The following SCCPDH variants were observed in gnomAD, a reference collection of about 807,000 sequenced individuals.
SCCPDH encodes saccharopine dehydrogenase-like oxidoreductase.
SCCPDH carries 34 observed loss-of-function variants against 51.5 expected under a neutral mutation model. The ratio of observed to expected loss-of-function variants is 0.66; its 90% CI spans 0.50 to 0.88. The LOEUF (loss-of-function observed/expected upper bound fraction) is 0.88, where lower values mean the gene tolerates loss of function less well. SCCPDH is among the 40% of genes least tolerant of loss of function. The pLI is 0.00. For synonymous variants in SCCPDH, 187 were observed against 191.3 expected (o/e 0.98, Z 0.19); for missense variants, 464 against 527.1 (o/e 0.88, Z 1.17).
rs1027149460 is a variant in SCCPDH, at chr1:246,767,383, G to T, written c.*83G>T. 3 of 730,510 alleles carry T rather than the reference G, an allele frequency of 4.1e-6. No individual in the cohort carries two copies. Among genetic ancestry groups the T allele is most frequent in the Non-Finnish European group, 4.2e-6 (2 of 478,164 alleles). 45.3% of individuals were successfully genotyped at this position (730,510 alleles called of 1,614,324 possible). ...ATATTTGAAATTCTTCTGTAAGCCT[G>T]TCTGAGTGTATGTGGAAACGATTGT... On this transcript the variant is annotated 3_prime_UTR_variant, in exon 12 of 12. Transcript: ENST00000366510.
intron 2 of SCCPDH, among the ~76,000 whole-genome samples, chr1:246,733,746 T>C (rs1668528525): frequency 6.6e-6 from 1 of 152,096 alleles, no homozygotes; most frequent in African/African-American, 2.4e-5. Context: ...AAAATACAAA[T>C]AATATACTGT....
intron 5 of SCCPDH, among the ~76,000 whole-genome samples, chr1:246,756,164 A>G (rs746063843): frequency 4.6e-5 from 7 of 152,248 alleles, no homozygotes; most frequent in Non-Finnish European, 1.0e-4. Context: ...GGAGTTACTT[A>G]CAACACGTGG....
intron 2 of SCCPDH, among the ~76,000 whole-genome samples, chr1:246,729,552 C>A (rs144585974): frequency 5.8e-4 from 88 of 152,332 alleles, no homozygotes; most frequent in African/African-American, 2.1e-3. Flanking sequence ...TTATGGTTAT[C>A]TCCCTTGTTC....
chr1:246,738,278 C>T (rs967674156), intron 3 of SCCPDH, among the ~76,000 whole-genome samples: 10 of 151,700 alleles, frequency 6.6e-5, no homozygotes, highest in Non-Finnish European at 1.5e-4. Flanking sequence ...TTTGGGAGGC[C>T]GAGGCAGGCG....
chr1:246,763,313 C>A (rs2102991335), intron 9 of SCCPDH, among the ~76,000 whole-genome samples: 1 of 152,208 alleles, frequency 6.6e-6, no homozygotes, highest in Non-Finnish European at 1.5e-5. Context: ...ATGTGTGTAG[C>A]CTGAGAGAGG....
intron 5 of SCCPDH, among the ~76,000 whole-genome samples, chr1:246,744,485 T>C (rs1225742104): frequency 6.6e-6 from 1 of 151,272 alleles, no homozygotes. Flanking sequence ...CGCCCGGCTA[T>C]TTTTTTTGTA....
chr1:246,742,624 T>TATC (rs1668698062), intron 4 of SCCPDH, among the ~76,000 whole-genome samples: 1 of 152,224 alleles, frequency 6.6e-6, no homozygotes, highest in Non-Finnish European at 1.5e-5. Flanking sequence ...TAACGACATT[T>TATC]ATCTGGCTGT....
intron 2 of SCCPDH, among the ~76,000 whole-genome samples, chr1:246,728,542 G>A (rs1222665409): frequency 6.6e-6 from 1 of 152,154 alleles, no homozygotes; most frequent in Non-Finnish European, 1.5e-5. Context: ...AACGTTGTGT[G>A]GTGCTTAGCA....
chr1:246,729,414 CT>C lies in SCCPDH; in HGVS notation c.303+2411del, dbSNP rs1466769650. ...GAGCGGCCATTTTAGAGACCTCCCC[CT>C]GGGAATGCATTCCTTTCCCAGGGTT... On this transcript the variant is annotated intron_variant, in intron 2 of 11. Coordinates refer to ENST00000366510, the MANE Select transcript of SCCPDH (RefSeq NM_016002.3). Among the ~76,000 whole-genome samples the C allele has an allele frequency of 3.9e-5, 6 of 152,150 alleles. No individual in the cohort carries two copies. In the South Asian group the frequency reaches 1.0e-3, roughly 26 times the overall value.
chr1:246,728,234 A>G (rs1174819458), intron 2 of SCCPDH, among the ~76,000 whole-genome samples: 1 of 152,250 alleles, frequency 6.6e-6, no homozygotes, highest in East Asian at 1.9e-4. Context: ...AATATCTAAA[A>G]TATTAATAAT....
chr1:246,739,250 A>G (rs556851898), intron 3 of SCCPDH, among the ~76,000 whole-genome samples: 12 of 152,302 alleles, frequency 7.9e-5, no homozygotes, highest in African/African-American at 2.6e-4. Context: ...CTGGTAAATC[A>G]TGTTGACAGT....
chr1:246,761,592 C>T (rs1428058828), intron 9 of SCCPDH, among the ~76,000 whole-genome samples: 3 of 152,204 alleles, frequency 2.0e-5, no homozygotes, highest in South Asian at 4.1e-4. Context: ...AACCGCATTC[C>T]GCTTTCTGTC....
At chr1:246,738,608 A>G (rs773439664) in intron 3 of SCCPDH, among the ~76,000 whole-genome samples, 3 of 150,896 alleles carry the variant, frequency 2.0e-5, no homozygotes, top group Admixed American at 1.3e-4. Context: ...TAATCCTAGC[A>G]CTTTGGGAGG....
chr1:246,763,201 T>G (rs527784778), intron 9 of SCCPDH, among the ~76,000 whole-genome samples: 1 of 152,308 alleles, frequency 6.6e-6, no homozygotes, highest in Admixed American at 6.5e-5. Flanking sequence ...GAGGCCATCC[T>G]AGACCCTTCA....
intron 5 of SCCPDH, among the ~76,000 whole-genome samples, chr1:246,751,015 C>T (rs7527938): frequency 6.6e-6 from 1 of 152,104 alleles, no homozygotes; most frequent in Admixed American, 6.5e-5. Flanking sequence ...CTTGACGCAG[C>T]TGGAACAACA....
intron 2 of SCCPDH, among the ~76,000 whole-genome samples, chr1:246,730,977 T>G (rs1668482564): frequency 6.6e-6 from 1 of 152,170 alleles, no homozygotes; most frequent in Non-Finnish European, 1.5e-5. Flanking sequence ...AGAGAATCAC[T>G]TGAATCCGGG....
chr1:246,741,377 G>A (rs544345109), intron 4 of SCCPDH, among the ~76,000 whole-genome samples: 15 of 151,596 alleles, frequency 9.9e-5, no homozygotes, highest in South Asian at 4.2e-4. Context: ...GTAGCTCACC[G>A]TAACGAATGC....
intron 4 of SCCPDH, among the ~76,000 whole-genome samples, chr1:246,743,510 G>A (rs1051790022): frequency 2.0e-5 from 3 of 151,818 alleles, no homozygotes; most frequent in Non-Finnish European, 2.9e-5. Context: ...TTGATCCCAG[G>A]AGGTGGAGGT....
chr1:246,756,045 C>T (rs1325479135), intron 5 of SCCPDH, among the ~76,000 whole-genome samples: 1 of 152,020 alleles, frequency 6.6e-6, no homozygotes, highest in Non-Finnish European at 1.5e-5. Flanking sequence ...TACAAAAAGA[C>T]AAAGAGGCAT....
Sources: allele counts gnomAD v4.1 joint callset (sites outside exome capture counted in the v4.1 genomes callset), GRCh38; gene constraint gnomAD v4.1.1; transcripts MANE v1.5; gene names NCBI Gene and HGNC (gene_info 2026-07-23, HGNC 2026-07-21).